Variants in LAMB4 observed in about 807,000 individuals in gnomAD.
The protein encoded by LAMB4 is laminin subunit beta 4, also known as laminin subunit beta-4.
Under a neutral mutation model 199.2 loss-of-function variants are expected in LAMB4, and 196 were observed. The observed-to-expected ratio is 0.98, with a 90% CI of 0.88 to 1.11. LAMB4 has a LOEUF of 1.11. Ranked by LOEUF, LAMB4 falls within the 50% of genes least tolerant of loss-of-function variation. LAMB4 has a pLI of 0.00. For synonymous variants in LAMB4, 744 were observed against 770.6 expected (o/e 0.97, Z 0.57); for missense variants, 2,080 against 2,171.2 (o/e 0.96, Z 0.83).
At position 108,068,097 on chromosome 7, in the gene LAMB4, G is replaced by C; in HGVS notation, c.2365C>G (p.Gln789Glu). Residue 789 changes from glutamine (Q) to glutamate (E), a missense_variant, in exon 19 of 34, where the codon CAG becomes GAG. Coordinates refer to ENST00000388781, the MANE Select transcript of LAMB4 (RefSeq NM_007356.3). ...SSCSRLGGQC[Q>E]CKPLVVGRCC... ...CGCCCGACCACAAGAGGTTTACACT[G>C]GCACTGGCCTCCAAGTCGGCTGCAG... The C allele has an allele frequency of 1.2e-6, 2 of 1,614,178 alleles. No homozygotes were observed. Among genetic ancestry groups the C allele is most frequent in the Non-Finnish European group, 1.7e-6 (2 of 1,180,024 alleles).
At chr7:108,065,675 G>C in intron 21 of LAMB4, 87 bp downstream of exon 21, 1 of 1,128,360 alleles carries the variant, frequency 8.9e-7, no homozygotes, top group Non-Finnish European at 1.3e-6. Flanking sequence ...ATTTGTCCAA[G>C]ACAGATAAGT....
At chr7:108,051,056 G>T (rs2035811249) in intron 26 of LAMB4, among the ~76,000 whole-genome samples, 1 of 152,148 alleles carries the variant, frequency 6.6e-6, no homozygotes, top group Admixed American at 6.5e-5. Flanking sequence ...ACTGCTGTTG[G>T]ACTGCAAATT....
intron 12 of LAMB4, among the ~76,000 whole-genome samples, chr7:108,093,000 C>T (rs1237818946): frequency 6.6e-6 from 1 of 152,172 alleles, no homozygotes; most frequent in Non-Finnish European, 1.5e-5. Context: ...CTCACATCAT[C>T]AGTTATGCTC....
At chr7:108,043,319 A>T (rs1469609198) in intron 29 of LAMB4, among the ~76,000 whole-genome samples, 1 of 151,682 alleles carries the variant, frequency 6.6e-6, no homozygotes, top group Non-Finnish European at 1.5e-5. Flanking sequence ...AACTTTCCTT[A>T]AAAAAAACAT....
chr7:108,052,367 G>T, intron 25 of LAMB4, 110 bp from the exon 26 acceptor site: 3 of 747,718 alleles, frequency 4.0e-6, no homozygotes, highest in Non-Finnish European at 4.1e-6. Context: ...TGATTAGAAG[G>T]GATTCCTTCT....
chr7:108,028,437 A>T (rs940810132), intron 33 of LAMB4, among the ~76,000 whole-genome samples: 1 of 143,766 alleles, frequency 7.0e-6, no homozygotes, highest in Non-Finnish European at 1.5e-5. Context: ...CAGACATCTC[A>T]CCCCCCGTTG....
intron 14 of LAMB4, among the ~76,000 whole-genome samples, chr7:108,087,080 T>C (rs548586787): frequency 1.6e-4 from 25 of 152,094 alleles, no homozygotes; most frequent in African/African-American, 6.0e-4. Context: ...AGAAAGCAAG[T>C]CCCCATGACT....
chr7:108,122,430 C>T (rs1470678366), intron 2 of LAMB4, among the ~76,000 whole-genome samples: 1 of 152,146 alleles, frequency 6.6e-6, no homozygotes, highest in African/African-American at 2.4e-5. Context: ...CAAATGAGTG[C>T]TTACCATCTG....
Position 108,025,391 on chromosome 7 carries a change from TTC to T in LAMB4, c.5147-1215_5147-1214del, listed in dbSNP as rs780649906. Among the ~76,000 whole-genome samples, 688 of 70,560 alleles carry T rather than the reference TTC, an allele frequency of 9.8e-3. 12 individuals carry two copies. The highest frequency in any genetic ancestry group is 0.012 in the Admixed American group (73 of 6,026). 46.3% of individuals were successfully genotyped at this position (70,560 alleles called of 152,430 possible). On this transcript the variant is annotated intron_variant, in intron 33 of 33. Coordinates refer to ENST00000388781, the MANE Select transcript of LAMB4 (RefSeq NM_007356.3). ...CTTTCTTTCTTTCTTTTCTTTTCTT[TTC>T]TTTCTTTCTTTCTTTCTTTCTTTCT... is the stretch of plus-strand genomic sequence containing the variant.
chr7:108,091,622 G>T lies in LAMB4; in HGVS notation c.1701+4C>A. On this transcript the variant is annotated splice_donor_region_variant and intron_variant, in intron 14 of 33. Coordinates refer to ENST00000388781, the MANE Select transcript of LAMB4 (RefSeq NM_007356.3). ...TCTGTAGGGAAAGTAAATGAAATAC[G>T]AACCAAAGGCGCCAGTCCTTGGAGT... is the stretch of plus-strand genomic sequence containing the variant. 6.2e-7 allele frequency: 1 copy of T among 1,611,694 alleles called. No homozygotes were observed. The highest frequency in any genetic ancestry group is 8.5e-7 in the Non-Finnish European group (1 of 1,179,150).
intron 3 of LAMB4, among the ~76,000 whole-genome samples, chr7:108,115,403 C>T (rs867958247): frequency 3.3e-4 from 51 of 152,276 alleles, no homozygotes; most frequent in African/African-American, 1.2e-3. Context: ...GGCCCAGTGG[C>T]TTAGCCTGTA....
At position 108,123,182 on chromosome 7, in the gene LAMB4, A is replaced by G; in HGVS notation, c.-18T>C. 6.2e-7 allele frequency: 1 copy of G among 1,601,802 alleles called. No homozygotes were observed. The highest frequency in any genetic ancestry group is 8.5e-7 in the Non-Finnish European group (1 of 1,173,288). ...AATTGCATTCTTTTGTCAGGAGATGATTAAATTCAATTCTACTGGGTTAAA... is the reference window on the plus strand; with the variant it reads ...AATTGCATTCTTTTGTCAGGAGATGGTTAAATTCAATTCTACTGGGTTAAA... On this transcript the variant is annotated 5_prime_UTR_variant, in exon 2 of 34. Coordinates refer to ENST00000388781, the MANE Select transcript of LAMB4 (RefSeq NM_007356.3).
intron 26 of LAMB4, 53 bp from the exon 27 acceptor site, chr7:108,049,584 A>G: frequency 2.0e-6 from 2 of 985,754 alleles, no homozygotes; most frequent in Non-Finnish European, 1.5e-6. Flanking sequence ...AAATGAAATT[A>G]TATATAAGTT....
chr7:108,049,201 T>G (rs1261061143), intron 27 of LAMB4, 125 bp downstream of exon 27: 2 of 262,434 alleles, frequency 7.6e-6, no homozygotes, highest in African/African-American at 4.5e-5. Flanking sequence ...CCTACATATA[T>G]TTATATATTT....
At chr7:108,127,175 G>GTT (rs1333482138) in intron 1 of LAMB4, among the ~76,000 whole-genome samples, 7 of 138,156 alleles carry the variant, frequency 5.1e-5, no homozygotes, top group South Asian at 2.3e-4. Flanking sequence ...AATCACCAGG[G>GTT]TTTTTTTTTT....
In LAMB4 at chr7:108,062,926, C is replaced by T. The variant is rs753243924; in HGVS notation, c.3130G>A (p.Asp1044Asn). 5 of 1,608,924 alleles carry T rather than the reference C, an allele frequency of 3.1e-6. No homozygotes were observed. The highest frequency in any genetic ancestry group is 4.2e-6 in the Non-Finnish European group (5 of 1,177,944). The change falls in exon 23 of 34, where the codon GAC (aspartate) becomes AAC (asparagine). Residue 1044 changes from aspartate to asparagine, a missense_variant. Physicochemically the swap from Asp to Asn is conservative, Grantham distance 23. Coordinates refer to ENST00000388781, the MANE Select transcript of LAMB4 (RefSeq NM_007356.3). ...CPPGGGACLC[D>N]PVTGACPCLP... Reference sequence around the variant, plus strand: ...CAAGGACATGCACCAGTGACAGGGTCACAGAGGCAAGCTCCCCCACCAGGG... The same window carrying T: ...CAAGGACATGCACCAGTGACAGGGTTACAGAGGCAAGCTCCCCCACCAGGG...
chr7:108,098,547 C>T lies in LAMB4; in HGVS notation c.1216G>A (p.Gly406Ser), dbSNP rs1405865424. ...ECDPDGTISG[G>S]ICVSHSDPAL... Reference sequence around the variant, plus strand: ...GGATCAGAGTGGCTCACACAAATGCCACCAGATATGGTCCCATCGGGGTCA... The same window carrying T: ...GGATCAGAGTGGCTCACACAAATGCTACCAGATATGGTCCCATCGGGGTCA... The change falls in exon 11 of 34, where the codon GGC becomes AGC. Residue 406 changes from glycine to serine, a missense_variant. By Grantham distance (56) the Gly-to-Ser change is moderately conservative (BLOSUM62 0). Transcript: ENST00000388781. 1.2e-6 allele frequency: 2 copies of T among 1,612,500 alleles called. No homozygotes were observed. Among genetic ancestry groups the T allele is most frequent in the Non-Finnish European group, 1.7e-6 (2 of 1,179,580 alleles).
chr7:108,128,270 G>A (rs772532511), intron 1 of LAMB4, among the ~76,000 whole-genome samples: 7 of 152,022 alleles, frequency 4.6e-5, no homozygotes, highest in South Asian at 2.1e-4. Flanking sequence ...TGTCTTGTTC[G>A]CTGACTCCAA....
chr7:108,043,571 T>G lies in LAMB4; in HGVS notation c.4471+181A>C, dbSNP rs1315890113. 6.3e-3 allele frequency among the ~76,000 whole-genome samples: 269 copies of G among 42,942 alleles called. 8 individuals carry two copies. The highest frequency in any genetic ancestry group is 8.0e-3 in the Non-Finnish European group (217 of 27,126). The allele number at this position is 42,942 out of a possible 152,430, so 28.2% of individuals were successfully genotyped here. A position where few individuals can be genotyped will look rare whatever the true frequency, so the allele number is the denominator to read the frequency against. On this transcript the variant is annotated intron_variant, in intron 29 of 33. Transcript: ENST00000388781. Reference sequence around the variant, plus strand: ...TTTTTTTTTTTTTTTTTTTTTTTTTTTTTTTTTTTTTTTTTTTTTTTTTTT... The same window carrying G: ...TTTTTTTTTTTTTTTTTTTTTTTTTGTTTTTTTTTTTTTTTTTTTTTTTTT...
Sources: gnomAD v4.1 joint callset for allele counts (sites outside exome capture counted in the v4.1 genomes callset) on GRCh38, gnomAD v4.1.1 for gene constraint, MANE v1.5 for transcripts, NCBI Gene and HGNC (gene_info 2026-07-23, HGNC 2026-07-21) for gene names.